Variants in FLACC1 observed in about 807,000 individuals in gnomAD.
FLACC1 encodes flagellum-associated coiled-coil domain-containing protein 1.
In FLACC1, 66 loss-of-function variants were observed where a neutral mutation model predicts 62.8. That is an observed-to-expected ratio of 1.05 (90% CI 0.86 to 1.29). FLACC1 has a LOEUF of 1.29. FLACC1 is among the 50% of genes most tolerant of loss of function. The pLI is 0.00. For missense variants in FLACC1, 452 were observed against 489.1 expected (o/e 0.92, Z 0.71); for synonymous variants, 156 against 161.0 (o/e 0.97, Z 0.24).
intron 11 of FLACC1, among the ~76,000 whole-genome samples, chr2:201,302,439 T>C (rs1418440183): frequency 6.6e-6 from 1 of 152,116 alleles, no homozygotes; most frequent in Non-Finnish European, 1.5e-5. Context: ...AGTAAGTCCT[T>C]AGAGACCTAC....
intron 4 of FLACC1, 43 bp downstream of exon 4, chr2:201,348,211 T>C (rs562511969): frequency 6.3e-7 from 1 of 1,590,966 alleles, no homozygotes; most frequent in Non-Finnish European, 8.6e-7. Flanking sequence ...TAGTAGGCAC[T>C]CAATAAATTT....
At position 201,346,651 on chromosome 2, in the gene FLACC1, A is replaced by G. The variant is rs376808687; in HGVS notation, c.259T>C (p.Tyr87His). The G allele has an allele frequency of 2.5e-6, 4 of 1,614,116 alleles. No homozygotes were observed. The highest frequency in any genetic ancestry group is 3.4e-6 in the Non-Finnish European group (4 of 1,180,048). Residue 87 changes from tyrosine to histidine, a missense_variant, in exon 5 of 15, where the codon TAT becomes CAT. Physicochemically the swap from Tyr to His is moderately conservative, Grantham distance 83. Transcript: ENST00000392257. The surrounding 1 kb of genome is among the most constrained non-coding windows in gnomAD (Gnocchi z 4.0). The stretch of plus-strand genomic sequence containing the variant: ...TGTTCCCGATTCCGAACAAGTTGAT[A>G]GCCAGGTGACACGTTGATCACTTCC... ...FYEVINVSPGYQLVRNREQIS... is the reference protein window; with the variant it reads ...FYEVINVSPGHQLVRNREQIS...
At chr2:201,361,732 T>A (rs1042446855), upstream of FLACC1, among the ~76,000 whole-genome samples, 1 of 152,232 alleles carries the variant, frequency 6.6e-6, no homozygotes, top group African/African-American at 2.4e-5. Context: ...TTCTGGCCTA[T>A]CATAATGTTT....
chr2:201,354,743 C>T (rs1417467229), intron 1 of FLACC1, among the ~76,000 whole-genome samples: 1 of 152,204 alleles, frequency 6.6e-6, no homozygotes, highest in African/African-American at 2.4e-5. Flanking sequence ...GGAGCCAACC[C>T]TGAACTTGGG....
intron 11 of FLACC1, among the ~76,000 whole-genome samples, chr2:201,306,637 A>G (rs1328927052): frequency 2.0e-5 from 3 of 152,222 alleles, no homozygotes; most frequent in Non-Finnish European, 4.4e-5. Flanking sequence ...TTTTATAGAG[A>G]GGACACAAAA....
chr2:201,330,977 T>A (rs1950583271), intron 7 of FLACC1, 144 bp from the exon 8 acceptor site: 1 of 580,308 alleles, frequency 1.7e-6, no homozygotes. Flanking sequence ...AAATCTTTTT[T>A]TTTTTTTTTT....
chr2:201,337,711 C>T (rs10175433), intron 7 of FLACC1, among the ~76,000 whole-genome samples: 3,451 of 151,976 alleles, frequency 0.023, 109 homozygotes, highest in Admixed American at 0.085. Context: ...TTTGTGTAGA[C>T]GGTGTCTCGC....
At chr2:201,363,659 C>T in the FLACC1 span, among the ~76,000 whole-genome samples, 1 of 152,028 alleles carries the variant, frequency 6.6e-6, no homozygotes, top group Non-Finnish European at 1.5e-5. Flanking sequence ...CCTCCATGCT[C>T]AGGCAGATCT....
intron 3 of FLACC1, among the ~76,000 whole-genome samples, chr2:201,349,331 G>A (rs1950979622): frequency 6.6e-6 from 1 of 152,172 alleles, no homozygotes; most frequent in Non-Finnish European, 1.5e-5. Context: ...AGGCATCATT[G>A]AGGCTCCTTT....
rs375101071 is a variant in FLACC1 at position 201,335,435 on chromosome 2, CTA to C, written c.525-4604_525-4603del. On this transcript the variant is annotated intron_variant, in intron 7 of 14. Transcript: ENST00000392257. ...GACTAAAAGCCATTTATTGAAAAGG[CTA>C]TCTTTTTTCCCAGTGTGTGTTCTTG... is the stretch of plus-strand genomic sequence containing the variant. Among the ~76,000 whole-genome samples, 89 of 152,174 alleles carry C rather than the reference CTA, an allele frequency of 5.8e-4. No homozygotes were observed. The East Asian group carries it at 0.01, about 18-fold the overall frequency.
chr2:201,320,694 G>A (rs1950386855), intron 9 of FLACC1, among the ~76,000 whole-genome samples: 1 of 152,210 alleles, frequency 6.6e-6, no homozygotes, highest in African/African-American at 2.4e-5. Flanking sequence ...TGCACAGGGA[G>A]ACTCAGAGCG....
At chr2:201,362,834 C>T in the FLACC1 span, among the ~76,000 whole-genome samples, 1 of 152,150 alleles carries the variant, frequency 6.6e-6, no homozygotes, top group Non-Finnish European at 1.5e-5. Flanking sequence ...AATTGGAGCA[C>T]CTGCTCTGGC....
At chr2:201,335,030 G>A (rs1036494520) in intron 7 of FLACC1, among the ~76,000 whole-genome samples, 1 of 151,954 alleles carries the variant, frequency 6.6e-6, no homozygotes, top group Admixed American at 6.6e-5. Context: ...GGTTTTATGT[G>A]TCTAGAAATT....
At chr2:201,289,954 AT>A in intron 12 of FLACC1, 169 bp from the exon 13 acceptor site, 2 of 1,207,488 alleles carry the variant, frequency 1.7e-6, no homozygotes, top group Non-Finnish European at 2.3e-6. Flanking sequence ...ACCCATCTAT[AT>A]CCTTCTCTTC....
intron 12 of FLACC1, among the ~76,000 whole-genome samples, chr2:201,297,025 G>C (rs980365004): frequency 6.6e-6 from 1 of 152,158 alleles, no homozygotes; most frequent in Non-Finnish European, 1.5e-5. Flanking sequence ...ATAGAGGATT[G>C]GCTGAGGCTG....
chr2:201,291,902 G>A (rs1003273218), intron 12 of FLACC1, among the ~76,000 whole-genome samples: 5 of 152,088 alleles, frequency 3.3e-5, no homozygotes, highest in African/African-American at 4.8e-5. Flanking sequence ...TAGCCGATTC[G>A]ATCAACTGGA....
intron 9 of FLACC1, among the ~76,000 whole-genome samples, chr2:201,313,587 C>T (rs1408920844): frequency 5.3e-5 from 8 of 152,138 alleles, no homozygotes; most frequent in Non-Finnish European, 7.4e-5. Flanking sequence ...AGCTCAGACA[C>T]GCCTAGCCCT....
chr2:201,351,709 C>T (rs984120116), intron 1 of FLACC1: 18 of 258,430 alleles, frequency 7.0e-5, no homozygotes, highest in Non-Finnish European at 1.3e-4. Flanking sequence ...TTTGGGAGGC[C>T]GAGGTGGATG....
At chr2:201,288,892 C>T (rs1949657249) in intron 14 of FLACC1, 111 bp from the exon 15 acceptor site, 3 of 1,247,400 alleles carry the variant, frequency 2.4e-6, no homozygotes, top group Non-Finnish European at 3.3e-6. Flanking sequence ...CCACAGCAGT[C>T]TCTCACTCAT....
Sources: gnomAD v4.1 joint callset for allele counts (sites outside exome capture counted in the v4.1 genomes callset) on GRCh38, gnomAD v4.1.1 for gene constraint, Gnocchi (gnomAD v3.1) non-coding constraint, MANE v1.5 for transcripts, NCBI Gene and HGNC (gene_info 2026-07-23, HGNC 2026-07-21) for gene names.